The following USP6 variants were observed in gnomAD, a reference collection of about 807,000 sequenced individuals.
USP6 encodes ubiquitin carboxyl-terminal hydrolase 6.
Under a neutral mutation model 175.7 loss-of-function variants are expected in USP6, and 128 were observed. The observed-to-expected ratio is 0.73, with a 90% confidence interval of 0.63 to 0.84. The LOEUF is 0.84. USP6 is among the 40% of genes least tolerant of loss of function. The pLI is 0.00. For missense variants in USP6, 1,498 were observed against 1,760.3 expected, an observed-to-expected ratio of 0.85 and a Z score of 2.67; for synonymous variants, 562 against 630.6, an observed-to-expected ratio of 0.89 and a Z score of 1.63.
chr17:5,120,217 C>G (rs992011347), intron 2 of USP6, among the ~76,000 whole-genome samples: 1 of 152,100 alleles, frequency 6.6e-6, no homozygotes, highest in Non-Finnish European at 1.5e-5. Flanking sequence ...GGGCCTGGCA[C>G]GGTGACACCA....
intron 16 of USP6, 57 bp downstream of exon 16, chr17:5,135,339 G>T (rs2073219232): frequency 6.3e-7 from 1 of 1,593,848 alleles, no homozygotes; most frequent in Non-Finnish European, 8.6e-7. Flanking sequence ...ACAGGAGTGG[G>T]TGTCTGGTGG....
chr17:5,168,818 C>G lies in USP6; in HGVS notation c.3280C>G (p.Gln1094Glu). Reference sequence around the variant, plus strand: ...TGTAAATGATCAGTGGATAAAATCACAGAAAATTGTCAGATTTCTTCGGGA... The same window carrying G: ...TGTAAATGATCAGTGGATAAAATCAGAGAAAATTGTCAGATTTCTTCGGGA... ...QFVNDQWIKS[Q>E]KIVRFLRESF... Residue 1094 changes from glutamine to glutamate, a missense_variant, in exon 35 of 38, where the codon CAG (glutamine) becomes GAG (glutamate). This residue lies in a region of USP6 where 1,217 missense variants were observed against 1,500.8 expected (regional missense o/e 0.81). Transcript: ENST00000574788. The G allele has an allele frequency of 6.2e-7, 1 of 1,609,988 alleles. No individual in the cohort carries two copies. The highest frequency in any genetic ancestry group is 8.5e-7 in the Non-Finnish European group (1 of 1,178,322).
rs532072844 is a variant in USP6 at position 5,146,301 on chromosome 17, A to G, written c.2319+127A>G. ...ACTAAAACATAACGAAAACTGAACA[A>G]CAACAAAAAATGCCAAGTTTTCCAA... On this transcript the variant is annotated intron_variant, in intron 28 of 37. Transcript: ENST00000574788. 5.9e-6 allele frequency: 8 copies of G among 1,347,150 alleles called. No individual in the cohort carries two copies. In the East Asian group the frequency reaches 1.9e-4, roughly 32 times the overall value. 83.4% of individuals were successfully genotyped at this position (1,347,150 alleles called of 1,614,324 possible). A position where few individuals can be genotyped will look rare whatever the true frequency, so the allele number is the denominator to read the frequency against.
chr17:5,166,631 A>G (rs2144149993), intron 33 of USP6, among the ~76,000 whole-genome samples: 1 of 152,154 alleles, frequency 6.6e-6, no homozygotes, highest in East Asian at 1.9e-4. Context: ...GGACACAAAT[A>G]TATACTGTGT....
intron 32 of USP6, 146 bp from the exon 33 acceptor site, chr17:5,162,735 TTTA>T: frequency 8.8e-7 from 1 of 1,137,304 alleles, no homozygotes; most frequent in Non-Finnish European, 1.2e-6. Flanking sequence ...TATCCTTACA[TTTA>T]TCAGAGTCTG....
intron 25 of USP6, among the ~76,000 whole-genome samples, chr17:5,144,372 G>T (rs995344375): frequency 6.6e-6 from 1 of 152,034 alleles, no homozygotes; most frequent in South Asian, 2.1e-4. Flanking sequence ...TATAGAACAG[G>T]ATGTCTTTCC....
intron 30 of USP6, among the ~76,000 whole-genome samples, chr17:5,150,537 C>G (rs1258473405): frequency 2.0e-5 from 3 of 150,918 alleles, no homozygotes; most frequent in East Asian, 3.9e-4. Flanking sequence ...CTCTGTCACC[C>G]AGGCTGGAGT....
At chr17:5,125,658 A>ACATG (rs1198917612) in intron 5 of USP6, among the ~76,000 whole-genome samples, 163 bp from the exon 6 acceptor site, 3 of 52,758 alleles carry the variant, frequency 5.7e-5, no homozygotes, top group Non-Finnish European at 1.0e-4. Flanking sequence ...CAACACACAA[A>ACATG]CACGCACACA....
rs751640344 is a variant in USP6, at chr17:5,133,934, C to T, written c.432C>T (p.Ile144=). ...GGTCATCTGAACACATCCACCACAT[C>T]GACCTGGACGTGAGGACGACTCTCC... ...GKRSSEHIHH[I]DLDVRTTLRN... Residue 144 remains isoleucine (I), a synonymous_variant, in exon 15 of 38, where the codon ATC becomes ATT. Coordinates refer to ENST00000574788, the MANE Select transcript of USP6 (RefSeq NM_001304284.2). 6.9e-5 allele frequency: 111 copies of T among 1,614,138 alleles called. No individual in the cohort carries two copies. Among genetic ancestry groups the T allele is most frequent in the South Asian group, 6.8e-4 (62 of 91,074 alleles).
intron 5 of USP6, among the ~76,000 whole-genome samples, 152 bp from the exon 6 acceptor site, chr17:5,125,669 C>CACAT (rs999047543): frequency 7.9e-6 from 1 of 125,800 alleles, no homozygotes. Context: ...CACGCACACA[C>CACAT]ACGCACATGC....
chr17:5,165,799 C>T (rs1167679554), intron 33 of USP6, among the ~76,000 whole-genome samples: 3 of 151,952 alleles, frequency 2.0e-5, no homozygotes, highest in Non-Finnish European at 4.4e-5. Context: ...GCATAGATCC[C>T]AAGAGGTAAA....
Position 5,173,096 on chromosome 17 carries a change from AC to A in USP6, c.*119del. 1 of 1,268,828 alleles carries A rather than the reference AC, an allele frequency of 7.9e-7. No homozygotes were observed. The highest frequency in any genetic ancestry group is 1.6e-5 in the South Asian group (1 of 63,234). 78.6% of individuals were successfully genotyped at this position (1,268,828 alleles called of 1,614,324 possible). ...AATGTAGTTATTTTATCCTGTTAGAACAAAAATTCTAATTAAAATAGTTAAC... is the reference window on the plus strand; with the variant it reads ...AATGTAGTTATTTTATCCTGTTAGAAAAAAATTCTAATTAAAATAGTTAAC... On this transcript the variant is annotated 3_prime_UTR_variant, in exon 38 of 38. Transcript: ENST00000574788.
At chr17:5,148,319 T>G (rs1393743258) in intron 29 of USP6, among the ~76,000 whole-genome samples, 1 of 152,206 alleles carries the variant, frequency 6.6e-6, no homozygotes, top group Non-Finnish European at 1.5e-5. Context: ...TCTGCAAAAA[T>G]TCTGCTTAAT....
At chr17:5,123,781 T>G (rs1338387897) in intron 4 of USP6, among the ~76,000 whole-genome samples, 2 of 152,094 alleles carry the variant, frequency 1.3e-5, no homozygotes, top group Non-Finnish European at 2.9e-5. Context: ...AGTGGAAGCA[T>G]CCACTGGCTC....
chr17:5,141,896 A>T (rs2073457591), intron 23 of USP6, 107 bp from the exon 24 acceptor site: 2 of 1,481,552 alleles, frequency 1.3e-6, no homozygotes, highest in East Asian at 4.7e-5. Flanking sequence ...AGCACCATTT[A>T]GCTGATTATG....
chr17:5,137,113 C>T lies in USP6; in HGVS notation c.760-8C>T. On this transcript the variant is annotated splice_polypyrimidine_tract_variant and splice_region_variant and intron_variant, in intron 18 of 37. Transcript: ENST00000574788. Reference sequence around the variant, plus strand: ...GGGGGCCCTGAGCACCTCTGTTCATCCCATCAGGACAAGGAAGGTCTATGC... The same window carrying T: ...GGGGGCCCTGAGCACCTCTGTTCATTCCATCAGGACAAGGAAGGTCTATGC... 1.2e-6 allele frequency: 2 copies of T among 1,613,432 alleles called. No homozygotes were observed. Among genetic ancestry groups the T allele is most frequent in the Non-Finnish European group, 1.7e-6 (2 of 1,179,560 alleles).
At chr17:5,125,481 C>T (rs924478346) in intron 5 of USP6, among the ~76,000 whole-genome samples, 3 of 152,018 alleles carry the variant, frequency 2.0e-5, no homozygotes, top group Non-Finnish European at 4.4e-5. Flanking sequence ...AGTTAAGCAG[C>T]TTAAAGTTTA....
At chr17:5,139,206 G>A in intron 21 of USP6, 49 bp from the exon 22 acceptor site, 1 of 1,598,508 alleles carries the variant, frequency 6.3e-7, no homozygotes, top group Non-Finnish European at 8.5e-7. Flanking sequence ...GCCCGGAAAG[G>A]CCTGCATGGG....
Position 5,161,659 on chromosome 17 carries a change from T to C in USP6, c.2915+45T>C, listed in dbSNP as rs181542962. On this transcript the variant is annotated intron_variant, in intron 32 of 37. Coordinates refer to ENST00000574788, the MANE Select transcript of USP6 (RefSeq NM_001304284.2). Reference sequence around the variant, plus strand: ...AATTACTTTAGTAGAATTTCAGCTTTAGATATTATACAATTTTCCTAAGAT... The same window carrying C: ...AATTACTTTAGTAGAATTTCAGCTTCAGATATTATACAATTTTCCTAAGAT... The C allele has an allele frequency of 1.2e-4, 187 of 1,595,042 alleles. No homozygotes were observed. The East Asian group carries it at 3.6e-3, about 31-fold the overall frequency.
Sources: allele counts gnomAD v4.1 joint callset (sites outside exome capture counted in the v4.1 genomes callset), GRCh38; gene constraint gnomAD v4.1.1; regional missense constraint gnomAD v4.1.1; transcripts MANE v1.5; gene names NCBI Gene and HGNC (gene_info 2026-07-23, HGNC 2026-07-21).